The following RDX variants were observed in gnomAD, a reference collection of about 807,000 sequenced individuals.
RDX encodes the protein deafness, autosomal recessive 24.
In RDX, 32 loss-of-function variants were observed where a neutral mutation model predicts 83.7. That is an observed-to-expected ratio of 0.38 (90% CI 0.29 to 0.51). The LOEUF (loss-of-function observed/expected upper bound fraction) is 0.51. RDX is among the 20% of genes least tolerant of loss of function. The pLI is 0.87. For synonymous variants in RDX, 229 were observed against 222.7 expected, an observed-to-expected ratio of 1.03 and a Z score of -0.25; for missense variants, 600 against 689.9, an observed-to-expected ratio of 0.87 and a Z score of 1.46.
chr11:110,267,601 A>G (rs1485397516), intron 3 of RDX, among the ~76,000 whole-genome samples: 2 of 151,624 alleles, frequency 1.3e-5, no homozygotes, highest in African/African-American at 4.8e-5. Flanking sequence ...TTTGGTTTCA[A>G]GACAGCAAAC....
chr11:110,289,799 TAGTC>T (rs1861142346), intron 1 of RDX, among the ~76,000 whole-genome samples: 1 of 151,478 alleles, frequency 6.6e-6, no homozygotes, highest in Non-Finnish European at 1.5e-5. Context: ...ATATAAAAAT[TAGTC>T]AGACGTGGTG....
intron 15 of RDX, among the ~76,000 whole-genome samples, chr11:110,188,481 G>A (rs1317699657): frequency 6.6e-6 from 1 of 152,082 alleles, no homozygotes; most frequent in Non-Finnish European, 1.5e-5. Flanking sequence ...GCATAAGAAT[G>A]ATACAATGGA....
intron 10 of RDX, among the ~76,000 whole-genome samples, chr11:110,244,783 A>G (rs1180795372): frequency 6.6e-6 from 1 of 152,152 alleles, no homozygotes; most frequent in Non-Finnish European, 1.5e-5. Flanking sequence ...TCTCTATATG[A>G]TGGTATAAGT....
intron 2 of RDX, chr11:110,273,166 T>C (rs1008419031): frequency 2.0e-5 from 9 of 448,798 alleles, no homozygotes; most frequent in East Asian, 6.9e-5. Flanking sequence ...TGAGCTATGA[T>C]TGTACTACTG....
At position 110,257,775 on chromosome 11, in the gene RDX, A is replaced by G; in HGVS notation, c.690T>C (p.His230=). ...VDALGLNIYE[H]DDKLTPKIGF... is the part of the protein sequence containing the mutation. The stretch of plus-strand genomic sequence containing the variant: ...GCAACTAATTTACTTACTTGTCGTC[A>G]TGCTCATAAATATTCAGACCCAAAG... The change falls in exon 7 of 14, where the codon CAT becomes CAC. Residue 230 remains histidine, a synonymous_variant. Transcript: ENST00000645495. 6.2e-7 allele frequency: 1 copy of G among 1,611,742 alleles called. No individual in the cohort carries two copies. The highest frequency in any genetic ancestry group is 8.5e-7 in the Non-Finnish European group (1 of 1,179,650).
At chr11:110,237,428 TTTTTTA>T (rs1357436774) in intron 11 of RDX, 58 bp downstream of exon 11, 2 of 1,501,474 alleles carry the variant, frequency 1.3e-6, no homozygotes, top group Non-Finnish European at 1.8e-6. Flanking sequence ...TCTTTTTTTC[TTTTTTA>T]GAGGGTTCAC....
At chr11:110,228,109 G>A (rs1864490985), downstream of RDX, among the ~76,000 whole-genome samples, 1 of 152,176 alleles carries the variant, frequency 6.6e-6, no homozygotes, top group East Asian at 1.9e-4. Context: ...GACATAGTAA[G>A]AAGTAGGTCT....
intron 15 of RDX, among the ~76,000 whole-genome samples, chr11:110,191,297 C>T (rs2134226810): frequency 6.6e-6 from 1 of 152,258 alleles, no homozygotes; most frequent in South Asian, 2.1e-4. Flanking sequence ...ATATGATTCA[C>T]CAGATAAACA....
intron 14 of RDX, among the ~76,000 whole-genome samples, chr11:110,223,511 G>C (rs765888138): frequency 4.5e-4 from 68 of 151,436 alleles, no homozygotes; most frequent in Admixed American, 7.9e-4. Flanking sequence ...CTGGGCAACA[G>C]AGAAAGACTC....
intron 15 of RDX, among the ~76,000 whole-genome samples, chr11:110,190,767 T>TCA (rs2134226411): frequency 6.6e-6 from 1 of 152,296 alleles, no homozygotes. Context: ...ACATTACAAC[T>TCA]GATCCCACAG....
chr11:110,264,363 G>GT (rs1859934390), intron 4 of RDX, 129 bp from the exon 5 acceptor site: 1 of 672,404 alleles, frequency 1.5e-6, no homozygotes, highest in African/African-American at 1.8e-5. Context: ...ATTTTAGTGT[G>GT]TAATAGTCTA....
At chr11:110,296,009 TA>T (rs1861440756) in intron 1 of RDX, among the ~76,000 whole-genome samples, 1 of 152,254 alleles carries the variant, frequency 6.6e-6, no homozygotes, top group East Asian at 1.9e-4. Context: ...CTAATAAATG[TA>T]AAATCGAATT....
chr11:110,203,019 C>A (rs571976991), intron 14 of RDX, among the ~76,000 whole-genome samples: 196 of 152,112 alleles, frequency 1.3e-3, no homozygotes, highest in African/African-American at 4.3e-3. Context: ...TATATACCCC[C>A]CAAAAAGAAA....
intron 3 of RDX, among the ~76,000 whole-genome samples, chr11:110,265,814 C>A (rs1420235482): frequency 6.6e-6 from 1 of 152,138 alleles, no homozygotes; most frequent in Admixed American, 6.5e-5. Flanking sequence ...AGCTCTCCTA[C>A]CATCTAGATA....
intron 13 of RDX, 129 bp from the exon 14 acceptor site, chr11:110,232,162 T>A: frequency 1.3e-6 from 1 of 777,058 alleles, no homozygotes. Flanking sequence ...TCTTTAGGTA[T>A]AAGTTTGTTT....
At chr11:110,294,466 G>C (rs1861364514) in intron 1 of RDX, among the ~76,000 whole-genome samples, 1 of 152,154 alleles carries the variant, frequency 6.6e-6, no homozygotes, top group Non-Finnish European at 1.5e-5. Context: ...TAGCTCTTTA[G>C]AGGATCTAAA....
At chr11:110,222,779 G>A (rs1405165344) in intron 14 of RDX, among the ~76,000 whole-genome samples, 1 of 152,082 alleles carries the variant, frequency 6.6e-6, no homozygotes, top group Non-Finnish European at 1.5e-5. Context: ...CAGCCTGGGC[G>A]ACAGAGCCAG....
At chr11:110,241,032 G>A (rs1387641930) in intron 10 of RDX, among the ~76,000 whole-genome samples, 1 of 135,558 alleles carries the variant, frequency 7.4e-6, no homozygotes, top group Non-Finnish European at 1.6e-5. Context: ...CTCCAGCCTG[G>A]GCGACAGAGT....
intron 15 of RDX, among the ~76,000 whole-genome samples, chr11:110,177,732 C>T (rs533653918): frequency 3.3e-5 from 5 of 152,178 alleles, no homozygotes; most frequent in South Asian, 2.1e-4. Flanking sequence ...GGTCCGCCTG[C>T]CTCGGCGTCC....
Sources: allele counts gnomAD v4.1 joint callset (sites outside exome capture counted in the v4.1 genomes callset), GRCh38; gene constraint gnomAD v4.1.1; transcripts MANE v1.5; gene names NCBI Gene and HGNC (gene_info 2026-07-23, HGNC 2026-07-21).